Variants in PPP2R3B observed in about 807,000 individuals in gnomAD.
PPP2R3B encodes the protein serine/threonine-protein phosphatase 2A regulatory subunit B'' subunit beta.
A neutral mutation model predicts 72.9 loss-of-function variants in PPP2R3B; 68 were observed. That is an observed-to-expected ratio of 0.93 (90% confidence interval 0.77 to 1.14). The LOEUF (loss-of-function observed/expected upper bound fraction) is 1.14, where lower values mean the gene tolerates loss of function less well. Among genes scored for constraint, PPP2R3B ranks in the 50% most tolerant of loss-of-function variants. PPP2R3B has a pLI of 0.00. For missense variants in PPP2R3B, 1,018 were observed against 842.0 expected (o/e 1.21, Z -2.59); for synonymous variants, 466 against 375.8 (o/e 1.24, Z -2.78).
intron 2 of PPP2R3B, among the ~76,000 whole-genome samples, chrX:354,986 G>A (rs1287225424): frequency 6.6e-6 from 1 of 152,198 alleles, no homozygotes; most frequent in Non-Finnish European, 1.5e-5. Context: ...TGCTCTCCAC[G>A]GCTCTCCAGC....
intron 1 of PPP2R3B, among the ~76,000 whole-genome samples, chrX:380,764 C>T: frequency 9.8e-6 from 1 of 102,396 alleles, no homozygotes; most frequent in Non-Finnish European, 1.8e-5. Flanking sequence ...GCAGCCTGGG[C>T]AACAAGAGTG....
intron 2 of PPP2R3B, among the ~76,000 whole-genome samples, chrX:356,475 C>T (rs1316161966): frequency 1.3e-5 from 2 of 152,186 alleles, no homozygotes; most frequent in Non-Finnish European, 2.9e-5. Context: ...CTCAGCCTCC[C>T]GAAGTGCTGG....
At chrX:361,783 G>A (rs2071547006) in intron 1 of PPP2R3B, among the ~76,000 whole-genome samples, 193 bp from the exon 2 acceptor site, 1 of 152,154 alleles carries the variant, frequency 6.6e-6, no homozygotes, top group African/African-American at 2.4e-5. Flanking sequence ...CACCCAGGAG[G>A]CCACACCATG....
intron 1 of PPP2R3B, among the ~76,000 whole-genome samples, chrX:383,919 T>C (rs1252203184): frequency 6.6e-6 from 1 of 150,682 alleles, no homozygotes; most frequent in South Asian, 2.1e-4. Flanking sequence ...GATGGGAGTT[T>C]GGACACACCT....
chrX:340,656 T>TCCGTC (rs2071039120), intron 10 of PPP2R3B, 109 bp downstream of exon 10: 1 of 879,536 alleles, frequency 1.1e-6, no homozygotes. Context: ...TGGGCTGTCA[T>TCCGTC]CCGTCCCCTC....
intron 1 of PPP2R3B, among the ~76,000 whole-genome samples, chrX:381,591 A>ATTTTTT (rs2072125593): frequency 1.5e-5 from 2 of 132,470 alleles, no homozygotes; most frequent in African/African-American, 6.0e-5. Context: ...GAACAAGCTC[A>ATTTTTT]TCTTTTTTTT....
At chrX:356,851 CAGCCACACAGCG>C (rs1569397811) in intron 2 of PPP2R3B, among the ~76,000 whole-genome samples, 2,254 of 84,394 alleles carry the variant, frequency 0.027, 34 homozygotes, top group African/African-American at 0.061. Context: ...ACGCCTTGGC[CAGCCACACAGCG>C]AGCCCCACAG....
intron 2 of PPP2R3B, among the ~76,000 whole-genome samples, chrX:351,180 G>A (rs764979124): frequency 2.0e-5 from 3 of 152,274 alleles, no homozygotes; most frequent in East Asian, 1.9e-4. Flanking sequence ...GCCGGCTCCC[G>A]TGATGAGGAT....
At chrX:362,742 G>T (rs142909908) in intron 1 of PPP2R3B, among the ~76,000 whole-genome samples, 4,517 of 152,148 alleles carry the variant, frequency 0.03, 200 homozygotes, top group East Asian at 0.21. Flanking sequence ...ATCAATCCAG[G>T]ACTGGGTCCA....
At chrX:354,861 CA>C (rs1218018360) in intron 2 of PPP2R3B, among the ~76,000 whole-genome samples, 3 of 152,164 alleles carry the variant, frequency 2.0e-5, no homozygotes, top group African/African-American at 7.2e-5. Context: ...AAAAAAAACA[CA>C]AGAGCTCCCA....
intron 2 of PPP2R3B, among the ~76,000 whole-genome samples, chrX:353,610 C>T (rs1464834646): frequency 2.0e-5 from 3 of 152,262 alleles, no homozygotes; most frequent in African/African-American, 4.8e-5. Flanking sequence ...CTAAACCAGA[C>T]CAAGCTATCA....
intron 1 of PPP2R3B, among the ~76,000 whole-genome samples, chrX:380,015 G>C (rs1194742437): frequency 6.6e-6 from 1 of 152,154 alleles, no homozygotes; most frequent in East Asian, 1.9e-4. Flanking sequence ...GGGGAGAAAA[G>C]ACTGTTCAAT....
chrX:357,843 A>G (rs2071466477), intron 2 of PPP2R3B, among the ~76,000 whole-genome samples: 1 of 152,136 alleles, frequency 6.6e-6, no homozygotes, highest in African/African-American at 2.4e-5. Flanking sequence ...GAAAACACAG[A>G]GGAGTGACAA....
At chrX:346,607 C>G (rs2071220012) in intron 5 of PPP2R3B, 94 bp downstream of exon 5, 1 of 1,248,744 alleles carries the variant, frequency 8.0e-7, no homozygotes, top group Non-Finnish European at 1.1e-6. Context: ...AACCCCGGGC[C>G]CCGCCCGCCC....
At chrX:352,326 G>C (rs781207652) in intron 2 of PPP2R3B, among the ~76,000 whole-genome samples, 1 of 152,366 alleles carries the variant, frequency 6.6e-6, no homozygotes, top group African/African-American at 2.4e-5. Flanking sequence ...GCACGGCCAG[G>C]ACAGGGAACG....
chrX:361,269 G>A (rs1252831376), intron 2 of PPP2R3B, 136 bp downstream of exon 2: 39 of 969,620 alleles, frequency 4.0e-5, no homozygotes, highest in East Asian at 2.9e-4. Context: ...TCCCGCACAC[G>A]TGTGAAACGC....
At chrX:349,866 G>A (rs898812508) in intron 2 of PPP2R3B, among the ~76,000 whole-genome samples, 5 of 152,288 alleles carry the variant, frequency 3.3e-5, no homozygotes, top group Admixed American at 3.3e-4. Context: ...GTGGTGAGGT[G>A]GACCTCACTG....
Position 339,272 on chromosome X carries a change from C to G in PPP2R3B, c.1352-376G>C, listed in dbSNP as rs748312474. The stretch of plus-strand genomic sequence containing the variant: ...TGAGCAGCAGGAGGCGCCCCATGGC[C>G]GGGGGGGGCAGGGCTGCAGGGCGGT... On this transcript the variant is annotated intron_variant, in intron 10 of 12. Coordinates refer to ENST00000390665, the MANE Select transcript of PPP2R3B (RefSeq NM_013239.5). Among the ~76,000 whole-genome samples the G allele has an allele frequency of 1.5e-3, 197 of 134,324 alleles. 1 individual carries two copies. The highest frequency in any genetic ancestry group is 2.1e-3 in the East Asian group (9 of 4,246). The allele number at this position is 134,324 out of a possible 152,430, so 88.1% of individuals were successfully genotyped here.
Position 334,104 on chromosome X carries a change from G to T in PPP2R3B, c.*263C>A, listed in dbSNP as rs773409319. 2 of 362,960 alleles carry T rather than the reference G, an allele frequency of 5.5e-6. No homozygotes were observed. The highest frequency in any genetic ancestry group is 4.3e-5 in the African/African-American group (2 of 46,828). 22.5% of individuals were successfully genotyped at this position (362,960 alleles called of 1,614,324 possible). On this transcript the variant is annotated 3_prime_UTR_variant, in exon 13 of 13. Coordinates refer to ENST00000390665, the MANE Select transcript of PPP2R3B (RefSeq NM_013239.5). ...AGACGCAGGCCCCGGAACCCAGGCT[G>T]GGTCGGGAACGGCAAGCGCCAGAGG...
Sources: gnomAD v4.1 joint callset for allele counts (sites outside exome capture counted in the v4.1 genomes callset) on GRCh38, gnomAD v4.1.1 for gene constraint, MANE v1.5 for transcripts, NCBI Gene and HGNC (gene_info 2026-07-23, HGNC 2026-07-21) for gene names.